Variants in PIGU observed in about 807,000 individuals in gnomAD.
PIGU encodes GPI-anchor transamidase component PIGU.
A neutral mutation model predicts 49.9 loss-of-function variants in PIGU; 24 were observed. The ratio of observed to expected loss-of-function variants is 0.48; its 90% CI spans 0.35 to 0.68. The LOEUF is 0.68. Ranked by LOEUF, PIGU falls within the 30% of genes least tolerant of loss-of-function variation. PIGU has a pLI of 0.01. For missense variants in PIGU, 490 were observed against 532.6 expected (o/e 0.92, Z 0.79); for synonymous variants, 220 against 205.7 (o/e 1.07, Z -0.59).
chr20:34,625,937 T>TA (rs541586109), intron 6 of PIGU, among the ~76,000 whole-genome samples: 2,409 of 136,716 alleles, frequency 0.018, 79 homozygotes, highest in African/African-American at 0.064. Flanking sequence ...AAAATTAGAT[T>TA]AAAAAAAATA....
intron 6 of PIGU, among the ~76,000 whole-genome samples, chr20:34,629,060 A>G (rs999593241): frequency 6.7e-6 from 1 of 148,538 alleles, no homozygotes; most frequent in Non-Finnish European, 1.5e-5. Context: ...TCTGTCGCCC[A>G]GGCTGGATTG....
intron 1 of PIGU, among the ~76,000 whole-genome samples, chr20:34,659,318 G>T (rs868731429): frequency 8.7e-6 from 1 of 114,942 alleles, no homozygotes; most frequent in African/African-American, 3.4e-5. Flanking sequence ...TCAGCCCCCC[G>T]CCCGGCCAGC....
intron 1 of PIGU, among the ~76,000 whole-genome samples, chr20:34,669,549 C>T (rs1987238321): frequency 6.6e-6 from 1 of 151,826 alleles, no homozygotes; most frequent in African/African-American, 2.4e-5. Context: ...CACCTGTAAT[C>T]CCAGCTACTC....
chr20:34,595,499 C>T (rs570069743), intron 7 of PIGU, among the ~76,000 whole-genome samples: 3 of 152,112 alleles, frequency 2.0e-5, no homozygotes, highest in Admixed American at 2.0e-4. Context: ...TGGAACCAAT[C>T]CACCACAAAT....
At chr20:34,660,967 A>G (rs1175618111) in intron 1 of PIGU, among the ~76,000 whole-genome samples, 1 of 152,200 alleles carries the variant, frequency 6.6e-6, no homozygotes, top group East Asian at 1.9e-4. Flanking sequence ...TAACATTAGA[A>G]AAAGGTGAAT....
chr20:34,657,971 C>T (rs892030530), intron 1 of PIGU, among the ~76,000 whole-genome samples: 1 of 147,688 alleles, frequency 6.8e-6, no homozygotes, highest in Admixed American at 6.7e-5. Context: ...TCTCTCTCTC[C>T]ACGGTCTCCC....
chr20:34,646,865 A>G (rs778790355), intron 2 of PIGU, among the ~76,000 whole-genome samples: 15 of 151,244 alleles, frequency 9.9e-5, no homozygotes, highest in Admixed American at 4.0e-4. Context: ...CACTGTTGCC[A>G]GGGCTGGTGT....
intron 7 of PIGU, among the ~76,000 whole-genome samples, chr20:34,600,212 A>G (rs1225099213): frequency 1.3e-5 from 2 of 151,954 alleles, no homozygotes; most frequent in Non-Finnish European, 2.9e-5. Context: ...TTCGAGACCA[A>G]CCTAGCCAAC....
intron 6 of PIGU, 34 bp downstream of exon 6, chr20:34,634,581 G>A (rs753816870): frequency 1.9e-6 from 3 of 1,599,770 alleles, no homozygotes; most frequent in Middle Eastern, 1.7e-4. Context: ...ATAAATCAGG[G>A]ACTGACCTTT....
chr20:34,610,098 A>C (rs911847191), intron 7 of PIGU, among the ~76,000 whole-genome samples: 1 of 152,186 alleles, frequency 6.6e-6, no homozygotes, highest in Admixed American at 6.5e-5. Flanking sequence ...TCTCAATATC[A>C]TACTGAATGG....
At chr20:34,561,902 A>T (rs971622150) in intron 11 of PIGU, among the ~76,000 whole-genome samples, 1 of 151,488 alleles carries the variant, frequency 6.6e-6, no homozygotes, top group East Asian at 1.9e-4. Flanking sequence ...TCGATAACAG[A>T]CTCATCGAAA....
intron 6 of PIGU, among the ~76,000 whole-genome samples, chr20:34,617,620 A>C (rs1898756742): frequency 6.6e-6 from 1 of 152,238 alleles, no homozygotes; most frequent in African/African-American, 2.4e-5. Flanking sequence ...GGCGGAAGGC[A>C]CTTGCCTTGT....
At chr20:34,645,200 AAAAG>A in intron 3 of PIGU, 71 bp downstream of exon 3, 35 of 1,403,494 alleles carry the variant, frequency 2.5e-5, no homozygotes, top group Admixed American at 6.4e-5. Flanking sequence ...AAAAAAAAAA[AAAAG>A]AGAGAGAGAG....
intron 2 of PIGU, among the ~76,000 whole-genome samples, chr20:34,646,834 T>TC (rs1187263643): frequency 6.6e-6 from 1 of 152,144 alleles, no homozygotes; most frequent in Admixed American, 6.6e-5. Context: ...TCTTTTCTTT[T>TC]TTTTTTGAGA....
At chr20:34,673,026 G>A (rs1450060925) in intron 1 of PIGU, among the ~76,000 whole-genome samples, 4 of 152,030 alleles carry the variant, frequency 2.6e-5, no homozygotes, top group South Asian at 2.1e-4. Flanking sequence ...AGGCCGAGGC[G>A]GGTGGATCAC....
At chr20:34,644,639 A>T (rs892428273) in intron 3 of PIGU, among the ~76,000 whole-genome samples, 26 of 152,170 alleles carry the variant, frequency 1.7e-4, no homozygotes, top group African/African-American at 5.8e-4. Flanking sequence ...TCTTGACTCA[A>T]ATTTTCAATC....
rs76061023 is a variant in PIGU, at chr20:34,644,813, G to A, written c.255+462C>T. Among the ~76,000 whole-genome samples the A allele has an allele frequency of 7.1e-3, 1,077 of 152,136 alleles. 8 individuals carry two copies. Among genetic ancestry groups the A allele is most frequent in the African/African-American group, 0.024 (1,011 of 41,486 alleles). ...AGGACAAATTCAGAATGCCCTCCAC[G>A]CCGGCTTCACAATTAAAGCCAATCA... On this transcript the variant is annotated intron_variant, in intron 3 of 11. Transcript: ENST00000217446.
intron 1 of PIGU, among the ~76,000 whole-genome samples, 163 bp from the exon 2 acceptor site, chr20:34,657,407 C>CT (rs1986737187): frequency 6.6e-6 from 1 of 152,212 alleles, no homozygotes; most frequent in African/African-American, 2.4e-5. Context: ...TGACGGGAAA[C>CT]TCTCTTTCAT....
chr20:34,627,289 A>G (rs1175400400), intron 6 of PIGU, among the ~76,000 whole-genome samples: 2 of 152,156 alleles, frequency 1.3e-5, no homozygotes, highest in Non-Finnish European at 2.9e-5. Context: ...TGCTTAAACT[A>G]CTTGCAAAAT....
Sources: gnomAD v4.1 joint callset for allele counts (sites outside exome capture counted in the v4.1 genomes callset) on GRCh38, gnomAD v4.1.1 for gene constraint, MANE v1.5 for transcripts, NCBI Gene and HGNC (gene_info 2026-07-23, HGNC 2026-07-21) for gene names.